PDE3A: variants seen among roughly 807,000 people sequenced by gnomAD.
PDE3A encodes cGMP-inhibited 3',5'-cyclic phosphodiesterase 3A.
Under a neutral mutation model 98.3 loss-of-function variants are expected in PDE3A, and 43 were observed. That is an observed-to-expected ratio of 0.44 (90% CI 0.34 to 0.56). PDE3A has a LOEUF of 0.56. Among genes scored for constraint, PDE3A ranks in the 20% least tolerant of loss-of-function variants. The probability of loss-of-function intolerance (pLI) is 0.01; values close to 1 mark genes in which losing one functional copy is unlikely to be tolerated. For synonymous variants in PDE3A, 663 were observed against 567.9 expected, an observed-to-expected ratio of 1.17 and a Z score of -2.38; for missense variants, 1,427 against 1,440.7, an observed-to-expected ratio of 0.99 and a Z score of 0.15.
intron 1 of PDE3A, among the ~76,000 whole-genome samples, chr12:20,481,268 AG>A (rs1364369908): frequency 2.6e-5 from 4 of 152,208 alleles, no homozygotes; most frequent in African/African-American, 7.2e-5. Context: ...TTTCTTCTAA[AG>A]GTGACATGAA....
chr12:20,398,798 AT>A (rs914461982), intron 1 of PDE3A, among the ~76,000 whole-genome samples: 2 of 152,108 alleles, frequency 1.3e-5, no homozygotes, highest in African/African-American at 4.8e-5. Context: ...GATTTCCTGT[AT>A]TTTTTTAAAA....
chr12:20,581,379 T>C (rs1943059351), intron 2 of PDE3A, among the ~76,000 whole-genome samples: 1 of 152,110 alleles, frequency 6.6e-6, no homozygotes, highest in African/African-American at 2.4e-5. Context: ...TAAGTAATAT[T>C]GATACAGGTA....
At chr12:20,573,334 G>T (rs1011149713) in intron 2 of PDE3A, among the ~76,000 whole-genome samples, 1 of 151,970 alleles carries the variant, frequency 6.6e-6, no homozygotes, top group South Asian at 2.1e-4. Context: ...CCTGTGTGTA[G>T]GCACAGTGCT....
At chr12:20,491,920 A>G (rs1271530584) in intron 1 of PDE3A, among the ~76,000 whole-genome samples, 2 of 152,178 alleles carry the variant, frequency 1.3e-5, no homozygotes, top group South Asian at 2.1e-4. Flanking sequence ...TATAAAATAT[A>G]CAGATTTAAA....
At chr12:20,467,899 C>T (rs1222832608) in intron 1 of PDE3A, among the ~76,000 whole-genome samples, 1 of 116,944 alleles carries the variant, frequency 8.6e-6, no homozygotes, top group Non-Finnish European at 1.6e-5. Context: ...TGGGCCACTG[C>T]ACTCCAGCCT....
intron 5 of PDE3A, 37 bp downstream of exon 5, chr12:20,621,448 G>A (rs189826877): frequency 9.2e-7 from 1 of 1,084,050 alleles, no homozygotes; most frequent in Admixed American, 1.7e-5. Flanking sequence ...CATACTGTGA[G>A]TGTGGAGTTC....
At chr12:20,401,496 G>A (rs1944129534) in intron 1 of PDE3A, among the ~76,000 whole-genome samples, 1 of 152,078 alleles carries the variant, frequency 6.6e-6, no homozygotes, top group South Asian at 2.1e-4. Flanking sequence ...TGACTTTGAA[G>A]CGTGCCTTTT....
In PDE3A at chr12:20,552,552, G is replaced by A; in HGVS notation, c.961-4108G>A. The A allele has an allele frequency of 9.3e-6, 15 of 1,613,704 alleles. No homozygotes were observed. Among genetic ancestry groups the A allele is most frequent in the Non-Finnish European group, 1.3e-5 (15 of 1,179,782 alleles). ...AGGAGGGGGGCTTCGCGTCCCCCAG[G>A]ACGGGCAAGGGCAAGTGGAAGCGGA... On this transcript the variant is annotated intron_variant, in intron 1 of 15. Transcript: ENST00000359062. The surrounding 1 kb of genome is among the most constrained non-coding windows in gnomAD (Gnocchi z 5.1).
chr12:20,475,180 T>A lies in PDE3A; in HGVS notation c.961-81480T>A, dbSNP rs551935361. Among the ~76,000 whole-genome samples the A allele has an allele frequency of 7.4e-3, 770 of 104,588 alleles. 4 individuals carry two copies. Among genetic ancestry groups the A allele is most frequent in the Non-Finnish European group, 0.011 (518 of 47,384 alleles). 68.6% of individuals were successfully genotyped at this position (104,588 alleles called of 152,430 possible). A position where few individuals can be genotyped will look rare whatever the true frequency, so the allele number is the denominator to read the frequency against. On this transcript the variant is annotated intron_variant, in intron 1 of 15. Transcript: ENST00000359062. ...TAGGAGAGGAAAAAATGTGTGTGAG[T>A]GTGTGTGTGTGTGTGTGTGTGTGTG...
At chr12:20,643,689 A>G (rs754891095) in intron 10 of PDE3A, among the ~76,000 whole-genome samples, 2 of 152,150 alleles carry the variant, frequency 1.3e-5, no homozygotes, top group East Asian at 1.9e-4. Context: ...TTAAATATAC[A>G]TACTGTCTTT....
intron 1 of PDE3A, among the ~76,000 whole-genome samples, chr12:20,432,144 C>G (rs781747163): frequency 2.0e-5 from 3 of 152,154 alleles, no homozygotes; most frequent in Non-Finnish European, 2.9e-5. Flanking sequence ...TAAAGTCACA[C>G]AGAAGTGGCA....
intron 1 of PDE3A, among the ~76,000 whole-genome samples, chr12:20,511,979 A>G (rs1363608970): frequency 6.6e-6 from 1 of 152,110 alleles, no homozygotes; most frequent in African/African-American, 2.4e-5. Flanking sequence ...CATTTGAGGG[A>G]TATTATAGAA....
intron 15 of PDE3A, among the ~76,000 whole-genome samples, chr12:20,666,993 T>C (rs985009834): frequency 3.3e-5 from 5 of 152,320 alleles, no homozygotes; most frequent in African/African-American, 9.6e-5. Flanking sequence ...TGATATCTCA[T>C]TGTGGCTTTG....
rs777331246 is a variant in PDE3A at position 20,513,671 on chromosome 12, AGT to A, written c.961-42986_961-42985del. ...CAGATTTTTTTATGACCTTTTCATC[AGT>A]GTCCTATGTTAGGAGATTGTGTTGA... is the stretch of plus-strand genomic sequence containing the variant. On this transcript the variant is annotated intron_variant, in intron 1 of 15. Transcript: ENST00000359062. Among the ~76,000 whole-genome samples, 57 of 152,156 alleles carry A rather than the reference AGT, an allele frequency of 3.7e-4. 1 individual carries two copies. The highest frequency in any genetic ancestry group is 1.9e-4 in the Non-Finnish European group (13 of 68,018).
At chr12:20,515,446 C>T in intron 1 of PDE3A, among the ~76,000 whole-genome samples, 1 of 152,064 alleles carries the variant, frequency 6.6e-6, no homozygotes. Context: ...TTAAAAAGTC[C>T]ACTTTACACA....
chr12:20,639,709 C>T, intron 9 of PDE3A, 137 bp from the exon 10 acceptor site: 2 of 514,858 alleles, frequency 3.9e-6, no homozygotes, highest in Admixed American at 3.4e-5. Flanking sequence ...TTTTAACCAA[C>T]TTAAAAGGAC....
At chr12:20,467,868 G>T (rs989791839) in intron 1 of PDE3A, among the ~76,000 whole-genome samples, 6 of 138,908 alleles carry the variant, frequency 4.3e-5, no homozygotes, top group Admixed American at 7.8e-5. Flanking sequence ...CCGGGAGGCG[G>T]AGGTTGCAGT....
intron 2 of PDE3A, chr12:20,572,194 A>T (rs915828798): frequency 1.3e-5 from 14 of 1,100,014 alleles, no homozygotes; most frequent in African/African-American, 3.3e-5. Context: ...TTTTTGTTCT[A>T]TAATGATTTT....
chr12:20,484,843 C>G (rs1018480269), intron 1 of PDE3A, among the ~76,000 whole-genome samples: 1 of 152,080 alleles, frequency 6.6e-6, no homozygotes, highest in African/African-American at 2.4e-5. Flanking sequence ...TAAAAAATTA[C>G]TATATCATCT....
Sources: gnomAD v4.1 joint callset for allele counts (sites outside exome capture counted in the v4.1 genomes callset) on GRCh38, gnomAD v4.1.1 for gene constraint, Gnocchi (gnomAD v3.1) non-coding constraint, MANE v1.5 for transcripts, NCBI Gene and HGNC (gene_info 2026-07-23, HGNC 2026-07-21) for gene names.